The following ZPLD1 variants were observed in gnomAD, a reference collection of about 807,000 sequenced individuals.
ZPLD1 encodes the protein zona pellucida like domain containing 1.
ZPLD1 carries 34 observed loss-of-function variants against 47.2 expected under a neutral mutation model. The ratio of observed to expected loss-of-function variants is 0.72; its 90% confidence interval spans 0.55 to 0.96. The LOEUF is 0.96. Ranked by LOEUF, ZPLD1 falls within the 40% of genes least tolerant of loss-of-function variation. The probability of loss-of-function intolerance (pLI) is 0.00; values close to 1 mark genes in which losing one functional copy is unlikely to be tolerated. For synonymous variants in ZPLD1, 176 were observed against 186.2 expected, an observed-to-expected ratio of 0.95 and a Z score of 0.45; for missense variants, 512 against 505.8, an observed-to-expected ratio of 1.01 and a Z score of -0.12.
intron 10 of ZPLD1, among the ~76,000 whole-genome samples, chr3:102,476,184 A>G (rs1051053821): frequency 1.3e-5 from 2 of 152,172 alleles, no homozygotes; most frequent in African/African-American, 4.8e-5. Flanking sequence ...AATAATATTT[A>G]TATTCCAGAA....
At position 102,436,956 on chromosome 3, in the gene ZPLD1, A is replaced by G; in HGVS notation, c.-26A>G. On this transcript the variant is annotated 5_prime_UTR_variant, in exon 2 of 12. An upstream start codon of the reference 5' UTR is lost. Transcript: ENST00000466937. ...CATCATGAGAAGGAAGTGGTGGAGC[A>G]TGGAGCATGGAATAAATGTGGGTGC... 1.0e-6 allele frequency: 1 copy of G among 985,180 alleles called. No homozygotes were observed. The highest frequency in any genetic ancestry group is 1.2e-6 in the Non-Finnish European group (1 of 829,658). The allele number at this position is 985,180 out of a possible 1,614,324, so 61.0% of individuals were successfully genotyped here. A position where few individuals can be genotyped will look rare whatever the true frequency, so the allele number is the denominator to read the frequency against.
At chr3:102,450,285 C>T (rs1219229872) in intron 3 of ZPLD1, among the ~76,000 whole-genome samples, 1 of 152,174 alleles carries the variant, frequency 6.6e-6, no homozygotes, top group African/African-American at 2.4e-5. Context: ...ATGTGCCAAT[C>T]TTCAGGGTAC....
intron 3 of ZPLD1, among the ~76,000 whole-genome samples, chr3:102,440,648 G>C (rs1285671475): frequency 1.3e-5 from 2 of 150,530 alleles, no homozygotes; most frequent in Non-Finnish European, 2.9e-5. Context: ...TTTATTCCCT[G>C]TGCAATGGAT....
intron 3 of ZPLD1, among the ~76,000 whole-genome samples, chr3:102,450,961 T>C (rs1424842886): frequency 1.3e-5 from 2 of 152,216 alleles, no homozygotes; most frequent in Non-Finnish European, 2.9e-5. Flanking sequence ...ATTTTCTAGG[T>C]TGGCAAAGTA....
At chr3:102,435,858 G>T (rs544845712) in intron 1 of ZPLD1, among the ~76,000 whole-genome samples, 17 of 152,196 alleles carry the variant, frequency 1.1e-4, no homozygotes, top group Non-Finnish European at 1.5e-4. Context: ...TAGCCAGGAT[G>T]ATCTCGATCT....
chr3:102,416,315 G>T (rs1417816111), intron 7 of ZPLD1, among the ~76,000 whole-genome samples: 1 of 151,846 alleles, frequency 6.6e-6, no homozygotes, highest in Non-Finnish European at 1.5e-5. Flanking sequence ...AGGGTATATG[G>T]GTAGTGGTAT....
chr3:102,456,260 G>A lies in ZPLD1; in HGVS notation c.395G>A (p.Gly132Glu). 6.2e-7 allele frequency: 1 copy of A among 1,613,826 alleles called. No homozygotes were observed. Among genetic ancestry groups the A allele is most frequent in the Non-Finnish European group, 8.5e-7 (1 of 1,179,854 alleles). The change falls in exon 5 of 12, where the codon GGA (glycine) becomes GAA (glutamate). Residue 132 changes from glycine to glutamate, a missense_variant. Coordinates refer to ENST00000466937, the MANE Select transcript of ZPLD1 (RefSeq NM_001329788.2). ...TCAGTGCAAGTAGGAAATATTTCAG[G>A]ATATATTGATACTCCAGACCCACCA... The part of the protein sequence containing the change: ...ATSVQVGNIS[G>E]YIDTPDPPTI...
At chr3:102,434,852 T>G (rs970476253), upstream of ZPLD1, among the ~76,000 whole-genome samples, 3 of 152,174 alleles carry the variant, frequency 2.0e-5, no homozygotes, top group African/African-American at 7.2e-5. Flanking sequence ...GCAAGCACCT[T>G]AGATTATTCC....
intron 7 of ZPLD1, chr3:102,418,036 T>G (rs1471313251): frequency 6.6e-6 from 1 of 152,092 alleles, no homozygotes; most frequent in Non-Finnish European, 1.5e-5. Context: ...AAAATTCAGT[T>G]TTTTCTTTCT....
intron 8 of ZPLD1, among the ~76,000 whole-genome samples, chr3:102,424,865 C>A (rs1706923508): frequency 6.6e-6 from 1 of 152,098 alleles, no homozygotes; most frequent in African/African-American, 2.4e-5. Context: ...ACTCATTAAC[C>A]AATATTCTAG....
intron 11 of ZPLD1, 93 bp from the exon 12 acceptor site, chr3:102,477,350 G>T (rs1349965582): frequency 7.9e-7 from 1 of 1,262,710 alleles, no homozygotes; most frequent in Non-Finnish European, 1.1e-6. Flanking sequence ...TCTATGAGAT[G>T]CTGATGAAAG....
intron 7 of ZPLD1, among the ~76,000 whole-genome samples, chr3:102,410,114 G>A (rs1036561517): frequency 6.6e-6 from 1 of 151,764 alleles, no homozygotes; most frequent in Admixed American, 6.6e-5. Flanking sequence ...ATCAATTGGA[G>A]AGTCTTCCTT....
intron 8 of ZPLD1, among the ~76,000 whole-genome samples, chr3:102,424,522 G>A (rs954549926): frequency 3.9e-5 from 6 of 152,168 alleles, no homozygotes; most frequent in Non-Finnish European, 7.4e-5. Context: ...GTTCTTGCGA[G>A]TGTTGTCTTG....
intron 3 of ZPLD1, among the ~76,000 whole-genome samples, chr3:102,451,733 G>A (rs1423987773): frequency 6.6e-6 from 1 of 152,056 alleles, no homozygotes; most frequent in Non-Finnish European, 1.5e-5. Context: ...GCAACCTTGG[G>A]TGTGCCTGGG....
At chr3:102,475,424 T>C (rs890288467) in intron 10 of ZPLD1, among the ~76,000 whole-genome samples, 7 of 152,188 alleles carry the variant, frequency 4.6e-5, no homozygotes, top group Admixed American at 2.0e-4. Context: ...AAAGGAACTT[T>C]CTATTTTTTA....
At chr3:102,399,781 G>T (rs1364967988) in intron 7 of ZPLD1, among the ~76,000 whole-genome samples, 2 of 151,892 alleles carry the variant, frequency 1.3e-5, no homozygotes, top group Non-Finnish European at 2.9e-5. Flanking sequence ...TATTATTTTT[G>T]ATAGATTTTT....
At chr3:102,420,902 A>G (rs1706869597) in intron 8 of ZPLD1, among the ~76,000 whole-genome samples, 1 of 151,998 alleles carries the variant, frequency 6.6e-6, no homozygotes, top group South Asian at 2.1e-4. Flanking sequence ...AAGTTATACT[A>G]ATATAATAAT....
intron 10 of ZPLD1, among the ~76,000 whole-genome samples, chr3:102,470,958 T>G (rs1707675513): frequency 1.3e-5 from 2 of 152,164 alleles, no homozygotes; most frequent in South Asian, 4.1e-4. Context: ...TTTGTATTTT[T>G]AGTAGAGATG....
intron 6 of ZPLD1, among the ~76,000 whole-genome samples, chr3:102,390,150 C>A (rs1254265618): frequency 1.3e-5 from 2 of 152,180 alleles, no homozygotes; most frequent in Non-Finnish European, 2.9e-5. Flanking sequence ...TGTGAGATTT[C>A]TCCAAGGCAC....
Sources: allele counts gnomAD v4.1 joint callset (sites outside exome capture counted in the v4.1 genomes callset), GRCh38; gene constraint gnomAD v4.1.1; transcripts MANE v1.5; gene names NCBI Gene and HGNC (gene_info 2026-07-23, HGNC 2026-07-21).